Variants in DOCK8 observed in about 807,000 individuals in gnomAD.
DOCK8 encodes the protein dedicator of cytokinesis protein 8.
In DOCK8, 141 loss-of-function variants were observed where a neutral mutation model predicts 245.6. The ratio of observed to expected loss-of-function variants is 0.57; its 90% CI spans 0.50 to 0.66. DOCK8 has a LOEUF of 0.66. DOCK8 is among the 30% of genes least tolerant of loss of function. DOCK8 has a pLI of 0.00. For missense variants in DOCK8, 2,965 were observed against 2,603.4 expected, an observed-to-expected ratio of 1.14 and a Z score of -3.02; for synonymous variants, 1,168 against 970.2, an observed-to-expected ratio of 1.20 and a Z score of -3.79.
intron 1 of DOCK8, among the ~76,000 whole-genome samples, chr9:246,683 G>A (rs1157477570): frequency 2.0e-5 from 3 of 152,152 alleles, no homozygotes; most frequent in African/African-American, 7.2e-5. Context: ...ATAAAATGAT[G>A]ATATTTTCTT....
At position 422,112 on chromosome 9, in the gene DOCK8, G is replaced by A; in HGVS notation, c.4218G>A (p.Arg1406=). The change falls in exon 33 of 48, where the codon CGG becomes CGA. Residue 1406 remains arginine, a synonymous_variant. Transcript: ENST00000432829. ...LRWKKEQTHW[R]QANEKLDKTK... ...GGAAGAAAGAGCAGACACATTGGCG[G>A]CAAGCTAATGAGAAGCTAGATAAGT... 1 of 1,614,072 alleles carries A rather than the reference G, an allele frequency of 6.2e-7. No homozygotes were observed. The highest frequency in any genetic ancestry group is 1.1e-5 in the South Asian group (1 of 91,082).
chr9:347,182 T>C (rs546083534), intron 14 of DOCK8, among the ~76,000 whole-genome samples: 2 of 152,158 alleles, frequency 1.3e-5, no homozygotes, highest in Admixed American at 1.3e-4. Context: ...CACCAACCCT[T>C]AATGAGTTCC....
intron 23 of DOCK8, among the ~76,000 whole-genome samples, chr9:388,989 C>T (rs1287225727): frequency 6.6e-6 from 1 of 152,078 alleles, no homozygotes; most frequent in African/African-American, 2.4e-5. Flanking sequence ...GCTTTCTTAC[C>T]TACTTTCTTA....
chr9:370,420 G>A, intron 16 of DOCK8, 120 bp downstream of exon 16: 1 of 848,632 alleles, frequency 1.2e-6, no homozygotes, highest in Non-Finnish European at 2.0e-6. Flanking sequence ...GAGGGGCAAA[G>A]GAAATCCATG....
At chr9:289,640 T>A in intron 4 of DOCK8, 59 bp downstream of exon 4, 13 of 1,424,284 alleles carry the variant, frequency 9.1e-6, no homozygotes, top group African/African-American at 7.2e-5. Flanking sequence ...TGCTAGTTTT[T>A]AAATATTTCT....
chr9:381,688 G>A (rs143340027), intron 21 of DOCK8, among the ~76,000 whole-genome samples: 3 of 152,154 alleles, frequency 2.0e-5, no homozygotes, highest in Non-Finnish European at 2.9e-5. Flanking sequence ...GGGTGCGGTG[G>A]TTCATGCCTG....
At chr9:393,169 C>G (rs1245680564) in intron 24 of DOCK8, among the ~76,000 whole-genome samples, 1 of 138,026 alleles carries the variant, frequency 7.2e-6, no homozygotes, top group African/African-American at 2.7e-5. Context: ...ATAATTCATA[C>G]AAATAATTCA....
At chr9:360,231 G>T (rs1027513402) in intron 14 of DOCK8, among the ~76,000 whole-genome samples, 1 of 151,518 alleles carries the variant, frequency 6.6e-6, no homozygotes, top group Non-Finnish European at 1.5e-5. Context: ...CAGGAGAATT[G>T]CTTGATCTTG....
chr9:251,832 T>C (rs2047654432), intron 1 of DOCK8, among the ~76,000 whole-genome samples: 1 of 152,168 alleles, frequency 6.6e-6, no homozygotes. Context: ...TAGCAGGCTT[T>C]TCCAGGTTAT....
intron 46 of DOCK8, among the ~76,000 whole-genome samples, chr9:460,887 T>C (rs1259495534): frequency 1.3e-5 from 2 of 152,250 alleles, no homozygotes; most frequent in African/African-American, 4.8e-5. Flanking sequence ...GGTACCACTG[T>C]TAGGAAAATA....
At chr9:261,998 A>C (rs1334328489) in intron 1 of DOCK8, among the ~76,000 whole-genome samples, 3 of 4,284 alleles carry the variant, frequency 7.0e-4, no homozygotes, top group African/African-American at 2.5e-3. Flanking sequence ...AGAAAGAAGG[A>C]GAAAGAAAGA....
intron 14 of DOCK8, among the ~76,000 whole-genome samples, chr9:356,286 T>G (rs1383786481): frequency 6.6e-6 from 1 of 152,142 alleles, no homozygotes. Flanking sequence ...CCCAGCACTT[T>G]GGGAGACCGA....
At chr9:238,025 A>C (rs1563831078) in intron 1 of DOCK8, among the ~76,000 whole-genome samples, 1 of 152,200 alleles carries the variant, frequency 6.6e-6, no homozygotes, top group South Asian at 2.1e-4. Context: ...ATAGGAGAAG[A>C]TGAGTCACGT....
At chr9:359,021 G>T (rs2052588694) in intron 14 of DOCK8, among the ~76,000 whole-genome samples, 1 of 152,164 alleles carries the variant, frequency 6.6e-6, no homozygotes, top group Non-Finnish European at 1.5e-5. Context: ...GAGACACCTG[G>T]TGCATTGTTA....
At chr9:401,986 C>G (rs573142905) in intron 26 of DOCK8, among the ~76,000 whole-genome samples, 1 of 152,312 alleles carries the variant, frequency 6.6e-6, no homozygotes, top group Non-Finnish European at 1.5e-5. Context: ...CAGAGGGACA[C>G]TTCACTCCTC....
chr9:421,272 A>G (rs972896057), intron 32 of DOCK8, among the ~76,000 whole-genome samples, 194 bp downstream of exon 32: 1 of 152,208 alleles, frequency 6.6e-6, no homozygotes, highest in Admixed American at 6.5e-5. Flanking sequence ...GCGCTGTTCT[A>G]CAATTGTAGG....
At chr9:301,557 C>T (rs573867916) in intron 4 of DOCK8, among the ~76,000 whole-genome samples, 2 of 152,320 alleles carry the variant, frequency 1.3e-5, no homozygotes, top group East Asian at 3.9e-4. Context: ...GTCAAACTAG[C>T]TCTGTCACAG....
intron 1 of DOCK8, among the ~76,000 whole-genome samples, chr9:233,496 G>A (rs935703328): frequency 2.0e-5 from 3 of 151,936 alleles, no homozygotes; most frequent in Admixed American, 6.6e-5. Context: ...TGACAGTGGG[G>A]TGTTAAAGTC....
At chr9:294,237 A>T (rs978025048) in intron 4 of DOCK8, among the ~76,000 whole-genome samples, 1 of 152,242 alleles carries the variant, frequency 6.6e-6, no homozygotes, top group Non-Finnish European at 1.5e-5. Context: ...CATAATTGCA[A>T]ATAATACTGA....
Sources: gnomAD v4.1 joint callset for allele counts (sites outside exome capture counted in the v4.1 genomes callset) on GRCh38, gnomAD v4.1.1 for gene constraint, MANE v1.5 for transcripts, NCBI Gene and HGNC (gene_info 2026-07-23, HGNC 2026-07-21) for gene names.